Variants in DNER observed in about 807,000 individuals in gnomAD.
DNER encodes delta/notch like EGF repeat containing, also known as delta and Notch-like epidermal growth factor-related receptor.
Under a neutral mutation model 78.2 loss-of-function variants are expected in DNER, and 33 were observed. That is an observed-to-expected ratio of 0.42 (90% CI 0.32 to 0.56). The LOEUF (loss-of-function observed/expected upper bound fraction) is 0.56. Among genes scored for constraint, DNER ranks in the 20% least tolerant of loss-of-function variants. The pLI, the probability that DNER is intolerant of heterozygous loss-of-function variation, is 0.11. For missense variants in DNER, 918 were observed against 975.3 expected (o/e 0.94, Z 0.78); for synonymous variants, 417 against 384.8 (o/e 1.08, Z -0.98).
intron 4 of DNER, among the ~76,000 whole-genome samples, chr2:229,558,216 G>A (rs1454992824): frequency 6.6e-6 from 1 of 152,112 alleles, no homozygotes; most frequent in Non-Finnish European, 1.5e-5. Flanking sequence ...AACACACACT[G>A]GCGCCTTTTG....
rs373179114 is a variant in DNER at position 229,576,732 on chromosome 2, G to T, written c.847+9126C>A. On this transcript the variant is annotated intron_variant, in intron 4 of 12. Coordinates refer to ENST00000341772, the MANE Select transcript of DNER (RefSeq NM_139072.4). Reference sequence around the variant, plus strand: ...TAGCAGAAAGTAATGTGAGACACATGACTGGTAAAGCAAAGATTTTATAAA... The same window carrying T: ...TAGCAGAAAGTAATGTGAGACACATTACTGGTAAAGCAAAGATTTTATAAA... Among the ~76,000 whole-genome samples the T allele has an allele frequency of 3.9e-5, 6 of 152,316 alleles. No individual in the cohort carries two copies. In the East Asian group the frequency reaches 1.2e-3, roughly 29 times the overall value.
intron 1 of DNER, among the ~76,000 whole-genome samples, chr2:229,680,164 T>TC (rs1198967943): frequency 6.6e-6 from 1 of 152,110 alleles, no homozygotes; most frequent in African/African-American, 2.4e-5. Context: ...AAGGCAATCA[T>TC]CCACAGAGGA....
intron 1 of DNER, among the ~76,000 whole-genome samples, chr2:229,670,641 A>C (rs887032935): frequency 1.3e-5 from 2 of 152,242 alleles, no homozygotes; most frequent in Non-Finnish European, 1.5e-5. Context: ...CTATAAATGC[A>C]TGAAGAGAAA....
intron 4 of DNER, among the ~76,000 whole-genome samples, chr2:229,577,462 G>A (rs911615232): frequency 1.3e-5 from 2 of 152,076 alleles, no homozygotes; most frequent in African/African-American, 4.8e-5. Flanking sequence ...AGGTCAGGAC[G>A]CCATCTCTAC....
At chr2:229,465,204 G>C (rs58437855) in intron 7 of DNER, among the ~76,000 whole-genome samples, 15,273 of 152,150 alleles carry the variant, frequency 0.1, 1,686 homozygotes, top group African/African-American at 0.28. Context: ...TGATAGACTA[G>C]ACAAAGAAAA....
chr2:229,560,400 A>G (rs1696933770), intron 4 of DNER, among the ~76,000 whole-genome samples: 1 of 152,198 alleles, frequency 6.6e-6, no homozygotes, highest in Admixed American at 6.5e-5. Context: ...AAAATGGTTC[A>G]CAGTCCACAA....
intron 4 of DNER, among the ~76,000 whole-genome samples, chr2:229,573,333 A>C (rs927405635): frequency 5.3e-5 from 8 of 152,326 alleles, no homozygotes; most frequent in African/African-American, 1.9e-4. Context: ...ATGAGAAAGC[A>C]AGACAGCATT....
At chr2:229,568,841 C>T (rs1215035037) in intron 4 of DNER, among the ~76,000 whole-genome samples, 1 of 152,156 alleles carries the variant, frequency 6.6e-6, no homozygotes, top group Non-Finnish European at 1.5e-5. Flanking sequence ...GGATTACAGG[C>T]ATGAGCCACC....
Position 229,559,039 on chromosome 2 carries a change from T to C in DNER, c.848-11947A>G, listed in dbSNP as rs1696907685. 2.0e-5 allele frequency among the ~76,000 whole-genome samples: 3 copies of C among 152,140 alleles called. No individual in the cohort carries two copies. In the South Asian group the frequency reaches 6.2e-4, roughly 32 times the overall value. On this transcript the variant is annotated intron_variant, in intron 4 of 12. Transcript: ENST00000341772. Reference sequence around the variant, plus strand: ...AGAACAAACAAGATTTTCATATAGATTGGATGTGAGGTATGAGGGAAGGGA... The same window carrying C: ...AGAACAAACAAGATTTTCATATAGACTGGATGTGAGGTATGAGGGAAGGGA...
At chr2:229,493,791 T>C (rs1250522841) in intron 6 of DNER, among the ~76,000 whole-genome samples, 3 of 152,216 alleles carry the variant, frequency 2.0e-5, no homozygotes, top group Non-Finnish European at 4.4e-5. Flanking sequence ...CCAGCCATGA[T>C]GAGACTTGTT....
intron 1 of DNER, among the ~76,000 whole-genome samples, chr2:229,678,276 G>A (rs192840859): frequency 4.1e-4 from 62 of 152,188 alleles, no homozygotes; most frequent in Middle Eastern, 3.4e-3. Context: ...GTCGCTTCTC[G>A]ATTCCTTCCA....
chr2:229,602,235 T>G (rs982033327), intron 1 of DNER, among the ~76,000 whole-genome samples: 1 of 152,178 alleles, frequency 6.6e-6, no homozygotes, highest in African/African-American at 2.4e-5. Flanking sequence ...CCTGTGAAGA[T>G]TGTATGATCA....
chr2:229,689,212 C>A (rs958826608), intron 1 of DNER, among the ~76,000 whole-genome samples: 5 of 152,116 alleles, frequency 3.3e-5, no homozygotes, highest in African/African-American at 7.2e-5. Context: ...TACCTATAGT[C>A]CTGTTTTTCC....
chr2:229,373,344 T>C (rs1282716883), intron 11 of DNER, among the ~76,000 whole-genome samples: 8 of 152,044 alleles, frequency 5.3e-5, no homozygotes, highest in East Asian at 1.9e-4. Context: ...CATGAAAAAA[T>C]GCTCAACATC....
chr2:229,380,288 C>A (rs1223535435), intron 11 of DNER, among the ~76,000 whole-genome samples: 1 of 152,162 alleles, frequency 6.6e-6, no homozygotes, highest in East Asian at 1.9e-4. Flanking sequence ...GGTCTTGTGA[C>A]ATAGAGAGGA....
At chr2:229,552,195 T>C (rs1195482703) in intron 4 of DNER, among the ~76,000 whole-genome samples, 1 of 152,136 alleles carries the variant, frequency 6.6e-6, no homozygotes, top group African/African-American at 2.4e-5. Context: ...AGTGCATGCT[T>C]GAGGGACCAC....
intron 1 of DNER, among the ~76,000 whole-genome samples, chr2:229,592,445 G>A (rs1246232591): frequency 6.6e-6 from 1 of 152,182 alleles, no homozygotes; most frequent in Non-Finnish European, 1.5e-5. Flanking sequence ...TGATCAGTTT[G>A]CATGGCAGTT....
chr2:229,510,116 C>A (rs1343168750), intron 6 of DNER, among the ~76,000 whole-genome samples: 1 of 147,470 alleles, frequency 6.8e-6, no homozygotes, highest in African/African-American at 2.4e-5. Flanking sequence ...GATGAGAGAT[C>A]AAGCTATTAC....
intron 1 of DNER, among the ~76,000 whole-genome samples, chr2:229,709,330 AG>A (rs1392168654): frequency 6.6e-6 from 1 of 152,252 alleles, no homozygotes; most frequent in East Asian, 1.9e-4. Flanking sequence ...TCCATGTTAG[AG>A]ATATGAACAT....
Sources: gnomAD v4.1 joint callset for allele counts (sites outside exome capture counted in the v4.1 genomes callset) on GRCh38, gnomAD v4.1.1 for gene constraint, MANE v1.5 for transcripts, NCBI Gene and HGNC (gene_info 2026-07-23, HGNC 2026-07-21) for gene names.